Variants in ACAD11 observed in about 807,000 individuals in gnomAD.
ACAD11 encodes the protein acyl-CoA dehydrogenase family member 11.
Under a neutral mutation model 102.2 loss-of-function variants are expected in ACAD11, and 83 were observed. The observed-to-expected ratio is 0.81, with a 90% CI of 0.68 to 0.97. The LOEUF is 0.97. ACAD11 is among the 50% of genes least tolerant of loss of function. The pLI, the probability that ACAD11 is intolerant of heterozygous loss-of-function variation, is 0.00. For missense variants in ACAD11, 901 were observed against 951.7 expected (o/e 0.95, Z 0.70); for synonymous variants, 324 against 319.8 (o/e 1.01, Z -0.14).
chr3:132,626,865 A>G, intron 8 of ACAD11, 48 bp from the exon 9 acceptor site: 1 of 1,572,518 alleles, frequency 6.4e-7, no homozygotes, highest in South Asian at 1.2e-5. Context: ...ATGTCCAAAG[A>G]TCATTATTAC....
intron 4 of ACAD11, among the ~76,000 whole-genome samples, chr3:132,641,731 A>AGAAG (rs1559974134): frequency 6.6e-6 from 1 of 151,022 alleles, no homozygotes; most frequent in African/African-American, 2.4e-5. Context: ...AAGAAGAAGA[A>AGAAG]AAAACTGTAT....
intron 16 of ACAD11, among the ~76,000 whole-genome samples, 195 bp downstream of exon 16, chr3:132,576,749 C>T (rs927272778): frequency 2.6e-5 from 4 of 152,174 alleles, no homozygotes; most frequent in East Asian, 1.9e-4. Context: ...AAAGTAATTG[C>T]GGCTTTTGCC....
chr3:132,581,619 G>T (rs1453795575), intron 13 of ACAD11, among the ~76,000 whole-genome samples: 1 of 151,988 alleles, frequency 6.6e-6, no homozygotes, highest in East Asian at 1.9e-4. Flanking sequence ...AGCAAATAAT[G>T]CAAATAAAGA....
chr3:132,566,667 CTT>C (rs1049279562), intron 17 of ACAD11, among the ~76,000 whole-genome samples: 1 of 152,078 alleles, frequency 6.6e-6, no homozygotes, highest in South Asian at 2.1e-4. Flanking sequence ...AGAAAAGAAA[CTT>C]ATATCCAGTG....
At chr3:132,607,593 T>A (rs1031167151) in intron 11 of ACAD11, among the ~76,000 whole-genome samples, 1 of 151,958 alleles carries the variant, frequency 6.6e-6, no homozygotes, top group Admixed American at 6.6e-5. Flanking sequence ...TGAAAAGGAA[T>A]GAACAAAGCC....
chr3:132,623,512 AT>A lies in ACAD11; in HGVS notation c.1197+3178del, dbSNP rs71708127. Among the ~76,000 whole-genome samples the A allele has an allele frequency of 1.9e-4, 28 of 150,246 alleles. No individual in the cohort carries two copies. In the East Asian group the frequency reaches 4.1e-3, roughly 22 times the overall value. On this transcript the variant is annotated intron_variant, in intron 9 of 19. Coordinates refer to ENST00000264990, the MANE Select transcript of ACAD11 (RefSeq NM_032169.5). Reference sequence around the variant, plus strand: ...TTTTTATAGATGTTGGTACAGTACGATTTTTTTTTTCAATTTTTTTAAAAGA... The same window carrying A: ...TTTTTATAGATGTTGGTACAGTACGATTTTTTTTTCAATTTTTTTAAAAGA...
At chr3:132,624,976 C>A (rs1302459043) in intron 9 of ACAD11, among the ~76,000 whole-genome samples, 1 of 152,166 alleles carries the variant, frequency 6.6e-6, no homozygotes, top group Non-Finnish European at 1.5e-5. Flanking sequence ...TGAGCCAGCA[C>A]ACTGGTCCAT....
intron 5 of ACAD11, among the ~76,000 whole-genome samples, chr3:132,638,622 G>A (rs1032716612): frequency 6.6e-6 from 1 of 152,080 alleles, no homozygotes; most frequent in African/African-American, 2.4e-5. Context: ...GTTCTAATTT[G>A]TTATCTACTA....
chr3:132,622,747 A>G (rs1312773896), intron 9 of ACAD11, among the ~76,000 whole-genome samples: 2 of 152,196 alleles, frequency 1.3e-5, no homozygotes, highest in Non-Finnish European at 2.9e-5. Context: ...TGCCTGGTCA[A>G]TCTTCCCAAA....
At position 132,656,515 on chromosome 3, in the gene ACAD11, G is replaced by A. The variant is rs184784042; in HGVS notation, c.149+3088C>T. ...GTCAGATTTTTTTTTTTTTTGAGAC[G>A]GAGTCTGCCTCTGACTCACCCAGAC... is the stretch of plus-strand genomic sequence containing the variant. On this transcript the variant is annotated intron_variant, in intron 1 of 19. Transcript: ENST00000264990. Among the ~76,000 whole-genome samples the A allele has an allele frequency of 5.5e-4, 81 of 147,572 alleles. 1 individual carries two copies. The highest frequency in any genetic ancestry group is 1.9e-3 in the African/African-American group (74 of 39,384).
At chr3:132,635,098 AAAT>A (rs1940225724) in intron 5 of ACAD11, among the ~76,000 whole-genome samples, 1 of 151,468 alleles carries the variant, frequency 6.6e-6, no homozygotes, top group Non-Finnish European at 1.5e-5. Flanking sequence ...AAAAATAAAA[AAAT>A]AAAGAAAAAG....
chr3:132,585,739 AAT>A (rs1415523342), intron 13 of ACAD11, among the ~76,000 whole-genome samples: 2 of 152,276 alleles, frequency 1.3e-5, no homozygotes, highest in African/African-American at 2.4e-5. Context: ...CACATGAAAA[AAT>A]GCTCATCATC....
intron 17 of ACAD11, among the ~76,000 whole-genome samples, chr3:132,574,814 T>C (rs1937485173): frequency 6.6e-6 from 1 of 152,182 alleles, no homozygotes; most frequent in South Asian, 2.1e-4. Flanking sequence ...ACCTTCTATT[T>C]CATCTCAATA....
intron 12 of ACAD11, among the ~76,000 whole-genome samples, chr3:132,603,787 T>C (rs941982368): frequency 6.6e-6 from 1 of 152,224 alleles, no homozygotes; most frequent in Non-Finnish European, 1.5e-5. Flanking sequence ...CTTTGCATTC[T>C]TTAAAGCCTG....
At chr3:132,616,265 C>G (rs1204972217) in intron 11 of ACAD11, among the ~76,000 whole-genome samples, 1 of 152,160 alleles carries the variant, frequency 6.6e-6, no homozygotes, top group Non-Finnish European at 1.5e-5. Flanking sequence ...TTAGGCAGTA[C>G]AGCTGATGGA....
At chr3:132,573,334 A>T (rs79759488) in intron 17 of ACAD11, among the ~76,000 whole-genome samples, 4,371 of 152,290 alleles carry the variant, frequency 0.029, 222 homozygotes, top group African/African-American at 0.1. Flanking sequence ...GATGTACTAT[A>T]AGTATAAAAT....
intron 8 of ACAD11, 74 bp from the exon 9 acceptor site, chr3:132,626,891 T>C: frequency 6.9e-7 from 1 of 1,456,874 alleles, no homozygotes; most frequent in Non-Finnish European, 9.1e-7. Flanking sequence ...TCTAATATAA[T>C]GTGAAGTTTC....
At chr3:132,648,434 T>C (rs1940798455) in intron 1 of ACAD11, 1 of 152,130 alleles carries the variant, frequency 6.6e-6, no homozygotes, top group Admixed American at 6.5e-5. Context: ...TTTATTTATA[T>C]CACGGTTAAC....
intron 15 of ACAD11, among the ~76,000 whole-genome samples, chr3:132,577,982 T>C (rs1321238997): frequency 1.3e-5 from 2 of 152,176 alleles, no homozygotes; most frequent in Non-Finnish European, 2.9e-5. Flanking sequence ...TACAGCTGCA[T>C]CTTAACTGAT....
Sources: gnomAD v4.1 joint callset for allele counts (sites outside exome capture counted in the v4.1 genomes callset) on GRCh38, gnomAD v4.1.1 for gene constraint, MANE v1.5 for transcripts, NCBI Gene and HGNC (gene_info 2026-07-23, HGNC 2026-07-21) for gene names.